AVEN: variants seen among roughly 807,000 people sequenced by gnomAD.
AVEN encodes cell death regulator Aven.
A neutral mutation model predicts 38.1 loss-of-function variants in AVEN; 41 were observed. The observed-to-expected ratio is 1.08, with a 90% CI of 0.84 to 1.40. The LOEUF (loss-of-function observed/expected upper bound fraction) is 1.40, where lower values mean the gene tolerates loss of function less well. AVEN is among the 40% of genes most tolerant of loss of function. The probability of loss-of-function intolerance (pLI) is 0.00; values close to 1 mark genes in which losing one functional copy is unlikely to be tolerated. For missense variants in AVEN, 605 were observed against 438.8 expected (o/e 1.38, Z -3.38); for synonymous variants, 206 against 171.8 (o/e 1.20, Z -1.56).
intron 2 of AVEN, among the ~76,000 whole-genome samples, chr15:33,939,460 A>C (rs1894229317): frequency 6.6e-6 from 1 of 152,214 alleles, no homozygotes. Context: ...AATCTAAAGA[A>C]ACAATAAAAT....
downstream of AVEN, chr15:33,865,043 TAAAGGGAGCCAC>T: frequency 1.0e-6 from 1 of 953,256 alleles, no homozygotes; most frequent in Non-Finnish European, 1.7e-6. Flanking sequence ...TCAGTCTTCC[TAAAGGGAGCCAC>T]AAAGAACAAA....
chr15:34,050,818 G>A (rs1448102893), intron 5 of AVEN, among the ~76,000 whole-genome samples: 1 of 152,174 alleles, frequency 6.6e-6, no homozygotes, highest in Non-Finnish European at 1.5e-5. Flanking sequence ...AAATGTATAT[G>A]CACCCAATAC....
At chr15:33,911,405 T>C (rs1436244765) in intron 2 of AVEN, among the ~76,000 whole-genome samples, 3 of 152,202 alleles carry the variant, frequency 2.0e-5, no homozygotes, top group Admixed American at 6.5e-5. Context: ...CCCTCCTTTT[T>C]TGCTAACATA....
intron 1 of AVEN, among the ~76,000 whole-genome samples, chr15:34,021,474 G>A (rs974803879): frequency 6.6e-5 from 10 of 151,960 alleles, no homozygotes; most frequent in Admixed American, 2.0e-4. Context: ...TAGTATATAC[G>A]GGGTTTCTCC....
At chr15:34,049,888 C>CT (rs61235689) in intron 5 of AVEN, among the ~76,000 whole-genome samples, 84,881 of 137,134 alleles carry the variant, frequency 0.62, 26,894 homozygotes, top group South Asian at 0.74. Context: ...TCAACATCAA[C>CT]TTTTTTTTTT....
rs769832990 is a variant in AVEN at position 33,870,968 on chromosome 15, G to A, written c.579C>T (p.Cys193=). Residue 193 remains cysteine, a synonymous_variant, in exon 4 of 6, where the codon TGC becomes TGT. Transcript: ENST00000306730. ...LVRALQELPL[C]LRLNVAAELV... is the part of the protein sequence containing the mutation. ...GTTCGGCAGCAACGTTGAGTCGGAGGCAGAGAGGCAGCTCTTGAAGGGCTC... is the reference window on the plus strand; with the variant it reads ...GTTCGGCAGCAACGTTGAGTCGGAGACAGAGAGGCAGCTCTTGAAGGGCTC... 2.0e-5 allele frequency: 32 copies of A among 1,611,210 alleles called. No homozygotes were observed. Among genetic ancestry groups the A allele is most frequent in the Non-Finnish European group, 2.7e-5 (32 of 1,178,304 alleles).
At chr15:33,935,239 G>A (rs987067803) in intron 2 of AVEN, among the ~76,000 whole-genome samples, 1 of 152,166 alleles carries the variant, frequency 6.6e-6, no homozygotes, top group African/African-American at 2.4e-5. Context: ...TTTTCAAGAC[G>A]TGGAAAATTC....
At chr15:33,861,585 T>C (rs1190884263), downstream of AVEN, among the ~76,000 whole-genome samples, 2 of 152,150 alleles carry the variant, frequency 1.3e-5, no homozygotes, top group Non-Finnish European at 2.9e-5. Context: ...AAGCTGTCCA[T>C]GCTCAGTCAC....
chr15:34,015,226 G>A (rs9806210), intron 1 of AVEN, among the ~76,000 whole-genome samples: 42,902 of 152,042 alleles, frequency 0.28, 7,503 homozygotes, highest in African/African-American at 0.49. Context: ...GCTCACGCCT[G>A]TAATCCCAGC....
chr15:33,910,727 A>G (rs1272036713), intron 2 of AVEN, among the ~76,000 whole-genome samples: 4 of 152,216 alleles, frequency 2.6e-5, no homozygotes, highest in African/African-American at 9.6e-5. Flanking sequence ...CATTCTGCAG[A>G]TGGGCCAACG....
intron 1 of AVEN, among the ~76,000 whole-genome samples, chr15:34,021,181 ATCTTTT>A (rs1172864828): frequency 1.3e-5 from 2 of 152,056 alleles, no homozygotes; most frequent in African/African-American, 4.8e-5. Flanking sequence ...AAAAAATTGC[ATCTTTT>A]TCTTTTTCTT....
intron 2 of AVEN, among the ~76,000 whole-genome samples, chr15:33,915,106 GAT>G (rs1287014441): frequency 2.0e-5 from 3 of 152,144 alleles, no homozygotes; most frequent in Non-Finnish European, 4.4e-5. Context: ...GGGGCAATTT[GAT>G]ATGTGTTTTA....
At chr15:33,960,663 A>G (rs1895127344) in intron 2 of AVEN, among the ~76,000 whole-genome samples, 1 of 152,234 alleles carries the variant, frequency 6.6e-6, no homozygotes, top group African/African-American at 2.4e-5. Context: ...ACAGCTTAAC[A>G]TACCTCCCTG....
chr15:34,038,724 G>C, intron 1 of AVEN, 56 bp downstream of exon 1: 2 of 1,127,712 alleles, frequency 1.8e-6, no homozygotes, highest in Non-Finnish European at 2.2e-6. Context: ...TGGCGGCCTC[G>C]GCCCCACTTG....
intron 2 of AVEN, among the ~76,000 whole-genome samples, chr15:33,927,850 G>T (rs1482178728): frequency 2.6e-5 from 4 of 152,184 alleles, no homozygotes; most frequent in Non-Finnish European, 4.4e-5. Flanking sequence ...GGGGAAATTT[G>T]AGTTGGGGAC....
At chr15:33,901,817 GA>G (rs1333651676) in intron 2 of AVEN, among the ~76,000 whole-genome samples, 1 of 152,168 alleles carries the variant, frequency 6.6e-6, no homozygotes, top group East Asian at 1.9e-4. Context: ...CTTTTTTGGA[GA>G]AATGTCTATT....
At chr15:33,986,554 G>A (rs953738496) in intron 2 of AVEN, among the ~76,000 whole-genome samples, 75 of 152,190 alleles carry the variant, frequency 4.9e-4, no homozygotes, top group Non-Finnish European at 1.0e-3. Context: ...GAAACTTAAT[G>A]ATTTTTTAAA....
intron 1 of AVEN, among the ~76,000 whole-genome samples, chr15:34,014,906 G>GAAT (rs1237020700): frequency 6.6e-6 from 1 of 152,136 alleles, no homozygotes; most frequent in Non-Finnish European, 1.5e-5. Context: ...AGCAGAAGAG[G>GAAT]AATAATAAAA....
Position 33,919,669 on chromosome 15 carries a change from AAAG to A in AVEN, c.446-43677_446-43675del, listed in dbSNP as rs565718889. ...GGCTTAGAATAAGAGCACAGAGGGAAAAGAAGAGCAAGCCAAAGGCATTTTCTG... is the reference window on the plus strand; with the variant it reads ...GGCTTAGAATAAGAGCACAGAGGGAAAAGAGCAAGCCAAAGGCATTTTCTG... On this transcript the variant is annotated intron_variant, in intron 2 of 5. Transcript: ENST00000306730. Among the ~76,000 whole-genome samples, 18 of 152,328 alleles carry A rather than the reference AAAG, an allele frequency of 1.2e-4. No homozygotes were observed. The South Asian group carries it at 3.1e-3, about 26-fold the overall frequency.
Sources: gnomAD v4.1 joint callset for allele counts (sites outside exome capture counted in the v4.1 genomes callset) on GRCh38, gnomAD v4.1.1 for gene constraint, MANE v1.5 for transcripts, NCBI Gene and HGNC (gene_info 2026-07-23, HGNC 2026-07-21) for gene names.